Variants in TXNDC5 observed in about 807,000 individuals in gnomAD.
TXNDC5 encodes thioredoxin domain containing 5.
A neutral mutation model predicts 52.6 loss-of-function variants in TXNDC5; 44 were observed. That is an observed-to-expected ratio of 0.84 (90% CI 0.66 to 1.08). The LOEUF is 1.08. Ranked by LOEUF, TXNDC5 falls within the 50% of genes least tolerant of loss-of-function variation. The probability of loss-of-function intolerance (pLI) is 0.00; values close to 1 mark genes in which losing one functional copy is unlikely to be tolerated. For missense variants in TXNDC5, 600 were observed against 565.5 expected (o/e 1.06, Z -0.62); for synonymous variants, 241 against 234.4 (o/e 1.03, Z -0.26).
intron 4 of TXNDC5, 188 bp downstream of exon 4, chr6:7,894,918 A>G (rs1383738740): frequency 5.1e-6 from 5 of 985,342 alleles, no homozygotes; most frequent in Non-Finnish European, 6.0e-6. Context: ...AAGGGCACAG[A>G]CAAAAGGAGA....
Position 7,899,654 on chromosome 6 carries a change from T to C in TXNDC5, c.441A>G (p.Glu147=). The C allele has an allele frequency of 2.5e-6, 4 of 1,614,124 alleles. No individual in the cohort carries two copies. The highest frequency in any genetic ancestry group is 3.4e-6 in the Non-Finnish European group (4 of 1,179,994). Residue 147 remains glutamate (E), a synonymous_variant, in exon 3 of 10, where the codon GAA becomes GAG. Coordinates refer to ENST00000379757, the MANE Select transcript of TXNDC5 (RefSeq NM_030810.5). ...CCCGAGGACCCTGGTACTTCACAGC[T>C]TCTTGGCCTGGCTTGAAAAGCTTTA... is the stretch of plus-strand genomic sequence containing the variant. ...PTLKLFKPGQ[E]AVKYQGPRDF...
At chr6:7,905,347 CCA>C (rs1760698661) in intron 1 of TXNDC5, among the ~76,000 whole-genome samples, 3 of 152,188 alleles carry the variant, frequency 2.0e-5, no homozygotes, top group Non-Finnish European at 4.4e-5. Context: ...CACTATATAA[CCA>C]AATGGCTACA....
intron 5 of TXNDC5, 47 bp from the exon 6 acceptor site, chr6:7,889,628 C>A: frequency 4.0e-6 from 6 of 1,488,816 alleles, no homozygotes; most frequent in Non-Finnish European, 5.6e-6. Context: ...CTTCATGAAC[C>A]TTCTTGCTAA....
At chr6:7,902,808 T>C (rs1401006120) in intron 2 of TXNDC5, among the ~76,000 whole-genome samples, 2 of 152,208 alleles carry the variant, frequency 1.3e-5, no homozygotes, top group Admixed American at 1.3e-4. Flanking sequence ...GCTCTTCTCA[T>C]TAAAAATCTA....
intron 4 of TXNDC5, among the ~76,000 whole-genome samples, chr6:7,894,010 G>C (rs1760286783): frequency 1.3e-5 from 2 of 152,214 alleles, no homozygotes; most frequent in Admixed American, 1.3e-4. Flanking sequence ...GGATCATTCT[G>C]ATATTAGGAG....
chr6:7,901,636 T>C (rs954485011), intron 2 of TXNDC5, among the ~76,000 whole-genome samples: 2 of 152,146 alleles, frequency 1.3e-5, no homozygotes, highest in African/African-American at 4.8e-5. Flanking sequence ...ACATCTGACT[T>C]CAATTCTCAC....
intron 4 of TXNDC5, among the ~76,000 whole-genome samples, chr6:7,893,021 TTTG>T: frequency 6.6e-6 from 1 of 152,220 alleles, no homozygotes; most frequent in Non-Finnish European, 1.5e-5. Context: ...AAGCCCTACA[TTTG>T]TTTTCTCGAT....
At position 7,884,346 on chromosome 6, in the gene TXNDC5, T is replaced by TCCAAGTAC; in HGVS notation, c.1176+5_1176+12dup. ...TACTGAGAGCTCCCATAAGCATCCA[T>TCCAAGTAC]CCAAGTACCCACCGAATACTTGCTG... is the stretch of plus-strand genomic sequence containing the variant. On this transcript the variant is annotated intron_variant, in intron 9 of 9. Transcript: ENST00000379757. The TCCAAGTAC allele has an allele frequency of 6.2e-7, 1 of 1,613,876 alleles. No individual in the cohort carries two copies. Among genetic ancestry groups the TCCAAGTAC allele is most frequent in the Non-Finnish European group, 8.5e-7 (1 of 1,179,860 alleles).
chr6:7,899,618 T>C lies in TXNDC5; in HGVS notation c.477A>G (p.Thr159=). Residue 159 remains threonine (T), a synonymous_variant, in exon 3 of 10, where the codon ACA becomes ACG. Coordinates refer to ENST00000379757, the MANE Select transcript of TXNDC5 (RefSeq NM_030810.5). Reference sequence around the variant, plus strand: ...GTGTCTGCAGCATCCAGTTTTCCAGTGTCTGGAAGTCCCGAGGACCCTGGT... The same window carrying C: ...GTGTCTGCAGCATCCAGTTTTCCAGCGTCTGGAAGTCCCGAGGACCCTGGT... ...VKYQGPRDFQ[T]LENWMLQTLN... 1.2e-6 allele frequency: 2 copies of C among 1,614,142 alleles called. No individual in the cohort carries two copies. Among genetic ancestry groups the C allele is most frequent in the South Asian group, 1.1e-5 (1 of 91,082 alleles).
chr6:7,904,597 G>A lies in TXNDC5; in HGVS notation c.390C>T (p.Ala130=). The A allele has an allele frequency of 6.2e-7, 1 of 1,614,196 alleles. No homozygotes were observed. The highest frequency in any genetic ancestry group is 8.5e-7 in the Non-Finnish European group (1 of 1,180,032). The part of the protein sequence containing the change: ...DCTAHSDVCS[A]QGVRGYPTLK... ...ACGTGGGGTATCCTCGCACCCCCTG[G>A]GCGGAGCACACGTCGGAGTGGGCCG... The change falls in exon 2 of 10, where the codon GCC becomes GCT. Residue 130 remains alanine (A), a synonymous_variant. Transcript: ENST00000379757.
chr6:7,887,091 C>A (rs2113323069), intron 7 of TXNDC5, among the ~76,000 whole-genome samples: 1 of 149,308 alleles, frequency 6.7e-6, no homozygotes, highest in South Asian at 2.1e-4. Context: ...CTGTTTACTT[C>A]TTCAACCAAA....
intron 2 of TXNDC5, among the ~76,000 whole-genome samples, chr6:7,902,119 A>G (rs1486376571): frequency 6.6e-6 from 1 of 152,126 alleles, no homozygotes; most frequent in African/African-American, 2.4e-5. Context: ...TGACCAGGAA[A>G]CCAACAGGAG....
intron 2 of TXNDC5, among the ~76,000 whole-genome samples, chr6:7,902,652 C>T (rs1443437131): frequency 6.6e-6 from 1 of 151,984 alleles, no homozygotes; most frequent in Non-Finnish European, 1.5e-5. Flanking sequence ...CCTGCATTCT[C>T]GGGGGGAAAA....
chr6:7,907,276 G>C (rs1760769113), intron 1 of TXNDC5, among the ~76,000 whole-genome samples: 1 of 151,956 alleles, frequency 6.6e-6, no homozygotes, highest in Admixed American at 6.6e-5. Flanking sequence ...ACCAAGTTGG[G>C]CGTGCCCTTG....
chr6:7,906,550 A>AAAC (rs2060896783), intron 1 of TXNDC5, among the ~76,000 whole-genome samples: 1 of 150,082 alleles, frequency 6.7e-6, no homozygotes, highest in African/African-American at 2.5e-5. Flanking sequence ...AAAAAAAAAA[A>AAAC]AAAAAAAGAA....
In TXNDC5 at chr6:7,910,762, T is replaced by G; in HGVS notation, c.15A>C (p.Pro5=). 1.0e-6 allele frequency: 1 copy of G among 997,576 alleles called. No individual in the cohort carries two copies. The highest frequency in any genetic ancestry group is 1.2e-6 in the Non-Finnish European group (1 of 840,526). The allele number at this position is 997,576 out of a possible 1,614,324, so 61.8% of individuals were successfully genotyped here. The change falls in exon 1 of 10, where the codon CCA becomes CCC. Residue 5 remains proline, a synonymous_variant. Coordinates refer to ENST00000379757, the MANE Select transcript of TXNDC5 (RefSeq NM_030810.5). The part of the protein sequence containing the change: MPAR[P]GRLLPLLARP... The stretch of plus-strand genomic sequence containing the variant: ...GGGCCAGCAGCGGGAGGAGGCGTCC[T>G]GGGCGCGCGGGCATCGCGGCGGGGC...
At chr6:7,884,597 T>A (rs765554129) in intron 8 of TXNDC5, 109 bp from the exon 9 acceptor site, 1 of 1,468,670 alleles carries the variant, frequency 6.8e-7, no homozygotes, top group Non-Finnish European at 9.2e-7. Context: ...AGTCAACAAT[T>A]GCCTAGAAAT....
chr6:7,909,407 C>G (rs984937801), intron 1 of TXNDC5, among the ~76,000 whole-genome samples: 3 of 152,192 alleles, frequency 2.0e-5, no homozygotes, highest in African/African-American at 7.2e-5. Flanking sequence ...CTCGGGGCAT[C>G]CCGGCACTGG....
At chr6:7,891,394 TAAAC>T (rs927075855) in intron 5 of TXNDC5, among the ~76,000 whole-genome samples, 6 of 151,884 alleles carry the variant, frequency 4.0e-5, no homozygotes, top group Non-Finnish European at 5.9e-5. Context: ...CTCTTCAAAA[TAAAC>T]AAAGCAGCCG....
Sources: gnomAD v4.1 joint callset for allele counts (sites outside exome capture counted in the v4.1 genomes callset) on GRCh38, gnomAD v4.1.1 for gene constraint, MANE v1.5 for transcripts, NCBI Gene and HGNC (gene_info 2026-07-23, HGNC 2026-07-21) for gene names.